The following ZIM2 variants were observed in gnomAD, a reference collection of about 807,000 sequenced individuals.
The protein encoded by ZIM2 is zinc finger imprinted 2.
In ZIM2, 14 loss-of-function variants were observed where a neutral mutation model predicts 38.6. That is an observed-to-expected ratio of 0.36 (90% CI 0.24 to 0.57). The LOEUF (loss-of-function observed/expected upper bound fraction) is 0.57, where lower values mean the gene tolerates loss of function less well. Among genes scored for constraint, ZIM2 ranks in the 20% least tolerant of loss-of-function variants. The probability of loss-of-function intolerance (pLI) is 0.81; values close to 1 mark genes in which losing one functional copy is unlikely to be tolerated. For synonymous variants in ZIM2, 247 were observed against 245.8 expected, an observed-to-expected ratio of 1.00 and a Z score of -0.04; for missense variants, 680 against 695.1, an observed-to-expected ratio of 0.98 and a Z score of 0.24.
chr19:56,818,570 T>A, intron 8 of ZIM2, 30 bp downstream of exon 8: 1 of 1,612,376 alleles, frequency 6.2e-7, no homozygotes, highest in Non-Finnish European at 8.5e-7. Context: ...ATGACTGGAC[T>A]GGGAGTGACT....
Position 56,824,203 on chromosome 19 carries a change from G to C in ZIM2, c.16+59C>G. The C allele has an allele frequency of 2.5e-6, 4 of 1,571,448 alleles. No homozygotes were observed. The South Asian group carries it at 4.8e-5, about 19-fold the overall frequency. On this transcript the variant is annotated intron_variant, in intron 4 of 12. Coordinates refer to ENST00000629319, the MANE Select transcript of ZIM2 (RefSeq NM_001387356.1). ...ACCATGTCAGAAGTGTGGAGGCTGA[G>C]AGCCCCAGGGGACACCTGAGGCCTG... is the stretch of plus-strand genomic sequence containing the variant.
chr19:56,796,734 G>A (rs929059127), intron 9 of ZIM2, among the ~76,000 whole-genome samples: 6 of 152,162 alleles, frequency 3.9e-5, no homozygotes, highest in Admixed American at 6.5e-5. Context: ...AAATGAAAGC[G>A]TTGCCAGAAA....
intron 12 of ZIM2, among the ~76,000 whole-genome samples, chr19:56,776,080 G>A (rs888737941): frequency 5.4e-5 from 7 of 128,638 alleles, no homozygotes; most frequent in African/African-American, 9.2e-5. Context: ...CAGCCTGGAT[G>A]ACAGAGTGAG....
chr19:56,833,988 G>A (rs1457341372), intron 2 of ZIM2, among the ~76,000 whole-genome samples: 3 of 152,234 alleles, frequency 2.0e-5, no homozygotes, highest in African/African-American at 7.2e-5. Context: ...GTCCATCCTT[G>A]AGAGATTTCC....
At chr19:56,828,210 CAT>C (rs1297246932) in intron 2 of ZIM2, among the ~76,000 whole-genome samples, 1 of 152,152 alleles carries the variant, frequency 6.6e-6, no homozygotes, top group Admixed American at 6.6e-5. Flanking sequence ...AGCTTGAATC[CAT>C]AGTCATACCC....
At chr19:56,783,296 A>G (rs1024884033) in intron 10 of ZIM2, among the ~76,000 whole-genome samples, 1 of 152,202 alleles carries the variant, frequency 6.6e-6, no homozygotes, top group Non-Finnish European at 1.5e-5. Context: ...TGAATTTAAA[A>G]GGCAGATACC....
At chr19:56,803,684 C>T (rs762506355) in intron 9 of ZIM2, among the ~76,000 whole-genome samples, 4 of 152,146 alleles carry the variant, frequency 2.6e-5, no homozygotes, top group Non-Finnish European at 4.4e-5. Flanking sequence ...GGCAATAGTC[C>T]GTTGCTGAAG....
chr19:56,777,065 T>C (rs1016278561), intron 12 of ZIM2, among the ~76,000 whole-genome samples: 3 of 152,202 alleles, frequency 2.0e-5, no homozygotes, highest in Admixed American at 1.3e-4. Context: ...AACTCTCTGG[T>C]TGGAAAAATA....
intron 2 of ZIM2, among the ~76,000 whole-genome samples, chr19:56,834,363 C>T (rs2061868788): frequency 6.6e-6 from 1 of 152,110 alleles, no homozygotes; most frequent in Admixed American, 6.5e-5. Context: ...GGCTATGTGA[C>T]AAACCAGCGC....
intron 2 of ZIM2, among the ~76,000 whole-genome samples, chr19:56,827,713 T>C (rs572748505): frequency 6.6e-6 from 1 of 152,320 alleles, no homozygotes; most frequent in East Asian, 1.9e-4. Context: ...AGACAAGATA[T>C]GTTATGTTTG....
At chr19:56,785,522 G>A (rs1352926547) in intron 10 of ZIM2, among the ~76,000 whole-genome samples, 1 of 152,052 alleles carries the variant, frequency 6.6e-6, no homozygotes, top group African/African-American at 2.4e-5. Flanking sequence ...CAAGAACACT[G>A]GAGAACATTT....
At chr19:56,838,136 G>T (rs733558) in intron 1 of ZIM2, among the ~76,000 whole-genome samples, 1 of 152,058 alleles carries the variant, frequency 6.6e-6, no homozygotes, top group Non-Finnish European at 1.5e-5. Context: ...TGCAGACCCC[G>T]TCAGTCACTC....
rs188152746 is a variant in ZIM2, at chr19:56,782,002, G to A, written c.690C>T (p.Asn230=). 16 of 1,613,930 alleles carry A rather than the reference G, an allele frequency of 9.9e-6. No individual in the cohort carries two copies. The African/African-American group carries it at 2.0e-4, about 20-fold the overall frequency. Residue 230 remains asparagine, a synonymous_variant, in exon 11 of 13, where the codon AAC becomes AAT. Transcript: ENST00000629319. Reference sequence around the variant, plus strand: ...TCTCCAGCATCACCTCCCTGTAGAGGTTTCTCTGAGCAGCACTAAGGGAAC... The same window carrying A: ...TCTCCAGCATCACCTCCCTGTAGAGATTTCTCTGAGCAGCACTAAGGGAAC... ...ELSSLSAAQR[N]LYREVMLENY...
chr19:56,795,051 C>CTTTTCTTTT, intron 9 of ZIM2, among the ~76,000 whole-genome samples: 1 of 149,240 alleles, frequency 6.7e-6, no homozygotes, highest in East Asian at 1.9e-4. Flanking sequence ...TCTTTTTTTT[C>CTTTTCTTTT]TTTTCTTTTT....
At chr19:56,783,075 C>A (rs369609774) in intron 10 of ZIM2, among the ~76,000 whole-genome samples, 4 of 151,982 alleles carry the variant, frequency 2.6e-5, no homozygotes, top group South Asian at 2.1e-4. Flanking sequence ...CCCCAAAATT[C>A]TATTCCTAGG....
intron 2 of ZIM2, among the ~76,000 whole-genome samples, chr19:56,829,481 G>A (rs919818691): frequency 6.6e-6 from 1 of 152,178 alleles, no homozygotes; most frequent in Non-Finnish European, 1.5e-5. Context: ...ATGGTGGGAA[G>A]GGACGAGCAC....
chr19:56,775,760 TGA>T (rs1291813054), intron 12 of ZIM2, among the ~76,000 whole-genome samples: 1 of 151,928 alleles, frequency 6.6e-6, no homozygotes, highest in African/African-American at 2.4e-5. Flanking sequence ...TTATGGAGGT[TGA>T]GAGAGTTTTC....
chr19:56,824,641 C>A (rs753766471), intron 3 of ZIM2: 1 of 1,597,136 alleles, frequency 6.3e-7, no homozygotes. Context: ...CAGACAAGTG[C>A]TTTGGAGGCA....
At chr19:56,800,602 T>A (rs57058869) in intron 9 of ZIM2, among the ~76,000 whole-genome samples, 264 of 152,148 alleles carry the variant, frequency 1.7e-3, no homozygotes, top group African/African-American at 6.0e-3. Context: ...AACCAGTAAG[T>A]AAGAGAGAGA....
Sources: allele counts gnomAD v4.1 joint callset (sites outside exome capture counted in the v4.1 genomes callset), GRCh38; gene constraint gnomAD v4.1.1; transcripts MANE v1.5; gene names NCBI Gene and HGNC (gene_info 2026-07-23, HGNC 2026-07-21).